Variants in PCDH15 observed in about 807,000 individuals in gnomAD.
PCDH15 encodes the protein protocadherin related 15.
Under a neutral mutation model 178.5 loss-of-function variants are expected in PCDH15, and 129 were observed. The ratio of observed to expected loss-of-function variants is 0.72; its 90% CI spans 0.63 to 0.84. The LOEUF is 0.84. PCDH15 is among the 40% of genes least tolerant of loss of function. PCDH15 has a pLI of 0.00. For missense variants in PCDH15, 2,230 were observed against 2,099.9 expected, an observed-to-expected ratio of 1.06 and a Z score of -1.21; for synonymous variants, 800 against 732.0, an observed-to-expected ratio of 1.09 and a Z score of -1.50.
At chr10:54,238,498 A>G (rs112741496) in intron 8 of PCDH15, among the ~76,000 whole-genome samples, 28 of 152,156 alleles carry the variant, frequency 1.8e-4, no homozygotes, top group African/African-American at 6.3e-4. Flanking sequence ...CCTGAAAATA[A>G]AGAGTTGTTG....
chr10:54,304,188 C>T (rs7919725), intron 8 of PCDH15, among the ~76,000 whole-genome samples: 111,518 of 151,986 alleles, frequency 0.73, 41,874 homozygotes, highest in Middle Eastern at 0.82. Flanking sequence ...TTTACTCACC[C>T]ATATCATTGT....
chr10:54,077,428 T>C (rs1245758245), intron 17 of PCDH15, among the ~76,000 whole-genome samples: 2 of 152,218 alleles, frequency 1.3e-5, no homozygotes, highest in Admixed American at 1.3e-4. Context: ...ATCTGTTTCC[T>C]TGTCTAAGAA....
At chr10:55,463,937 G>T (rs1179290513) in intron 2 of PCDH15, among the ~76,000 whole-genome samples, 1 of 32,218 alleles carries the variant, frequency 3.1e-5, no homozygotes, top group Admixed American at 3.8e-4. Context: ...AAGAAAGAAA[G>T]AAAGAAAGAA....
At chr10:54,649,069 T>G (rs1183202961) in intron 2 of PCDH15, among the ~76,000 whole-genome samples, 1 of 152,146 alleles carries the variant, frequency 6.6e-6, no homozygotes, top group East Asian at 1.9e-4. Flanking sequence ...CAGTATAGGA[T>G]CTTACAAGAG....
chr10:54,151,703 GGATA>G (rs2044554712), intron 14 of PCDH15, among the ~76,000 whole-genome samples: 1 of 152,024 alleles, frequency 6.6e-6, no homozygotes, highest in Non-Finnish European at 1.5e-5. Context: ...AAATGTTCTT[GGATA>G]GAAAGATTCA....
intron 11 of PCDH15, among the ~76,000 whole-genome samples, chr10:54,188,674 CAT>C (rs148822445): frequency 9.2e-5 from 14 of 151,732 alleles, no homozygotes; most frequent in East Asian, 1.9e-4. Flanking sequence ...GGTAAACAAA[CAT>C]ATGAATATAA....
rs544547424 is a variant in PCDH15 at position 54,749,027 on chromosome 10, T to G, written c.-29+51898A>C. 9.9e-5 allele frequency among the ~76,000 whole-genome samples: 15 copies of G among 152,242 alleles called. No homozygotes were observed. In the South Asian group the frequency reaches 3.1e-3, roughly 32 times the overall value. The stretch of plus-strand genomic sequence containing the variant: ...GTATCCATTATTTTATAAAGGTGAG[T>G]GGGCTCAGTAAATGCCTGAAAAAGT... On this transcript the variant is annotated intron_variant, in intron 1 of 37. Transcript: ENST00000644397.
chr10:54,374,740 TA>T (rs1462981209), intron 4 of PCDH15, among the ~76,000 whole-genome samples: 1 of 152,014 alleles, frequency 6.6e-6, no homozygotes. Context: ...ATGATGACCA[TA>T]AGGGAAAATC....
At chr10:54,626,700 T>A (rs992822556) in intron 2 of PCDH15, among the ~76,000 whole-genome samples, 21 of 152,098 alleles carry the variant, frequency 1.4e-4, no homozygotes, top group Admixed American at 1.2e-3. Context: ...AGAAGGGAAA[T>A]GTGGGGTTGA....
intron 10 of PCDH15, among the ~76,000 whole-genome samples, chr10:54,208,182 G>C (rs1225511136): frequency 6.6e-6 from 1 of 152,030 alleles, no homozygotes; most frequent in African/African-American, 2.4e-5. Flanking sequence ...TGGAAAGATT[G>C]CTATTTCATT....
intron 15 of PCDH15, among the ~76,000 whole-genome samples, chr10:54,116,906 C>T (rs1168122590): frequency 6.6e-6 from 1 of 151,866 alleles, no homozygotes; most frequent in Non-Finnish European, 1.5e-5. Context: ...ATAACAGAAA[C>T]TTTAAGAAGC....
At chr10:54,931,745 T>C (rs185709049) in intron 2 of PCDH15, among the ~76,000 whole-genome samples, 26 of 152,328 alleles carry the variant, frequency 1.7e-4, no homozygotes, top group Admixed American at 1.6e-3. Context: ...TAATACATAC[T>C]GGGATTTGCA....
chr10:54,336,612 C>G (rs1390687738), intron 6 of PCDH15, among the ~76,000 whole-genome samples: 1 of 152,186 alleles, frequency 6.6e-6, no homozygotes, highest in Non-Finnish European at 1.5e-5. Context: ...AAGTCAAGAA[C>G]TGAGGTTTGG....
rs183325411 is a variant in PCDH15 at position 54,643,679 on chromosome 10, A to G, written c.91+20493T>C. On this transcript the variant is annotated intron_variant, in intron 2 of 37. Transcript: ENST00000644397. ...TATGTATTTGGTATAGATTCAGAAA[A>G]ATATTTGATATAGATTCAGAAAAAT... 2.7e-3 allele frequency among the ~76,000 whole-genome samples: 413 copies of G among 150,256 alleles called. 3 individuals are homozygous for G. Among genetic ancestry groups the G allele is most frequent in the African/African-American group, 9.3e-3 (372 of 39,824 alleles).
chr10:55,216,655 A>G (rs551526573), intron 1 of PCDH15, among the ~76,000 whole-genome samples: 2 of 152,054 alleles, frequency 1.3e-5, no homozygotes, highest in South Asian at 4.1e-4. Context: ...AATTACCTTG[A>G]TTTAATAATT....
At position 54,023,033 on chromosome 10, in the gene PCDH15, T is replaced by C. The variant is rs61731362; in HGVS notation, c.2385A>G (p.Ala795=). The part of the protein sequence containing the change: ...YELVVVATDG[A]VHPRHSTLTL... ...TTAGAGTTGAATGACGAGGGTGTAC[T>C]GCTCCATCTGTTGCCACAACAACAA... Residue 795 remains alanine (A), a synonymous_variant, in exon 19 of 38, where the codon GCA becomes GCG. Transcript: ENST00000644397. The C allele has an allele frequency of 6.2e-7, 1 of 1,613,878 alleles. No homozygotes were observed. Among genetic ancestry groups the C allele is most frequent in the Admixed American group, 1.7e-5 (1 of 59,968 alleles).
intron 1 of PCDH15, among the ~76,000 whole-genome samples, chr10:54,681,991 C>T (rs2384520): frequency 0.2 from 30,863 of 151,930 alleles, 3,522 homozygotes; most frequent in Middle Eastern, 0.28. Context: ...AAAGATGTAT[C>T]GGAGCTTTGA....
At chr10:55,004,093 G>C (rs537683198) in intron 2 of PCDH15, among the ~76,000 whole-genome samples, 4 of 152,190 alleles carry the variant, frequency 2.6e-5, no homozygotes, top group Non-Finnish European at 5.9e-5. Context: ...TAATGGGACT[G>C]AAGTTTATTT....
intron 2 of PCDH15, among the ~76,000 whole-genome samples, chr10:54,909,194 C>G (rs1954777114): frequency 6.6e-6 from 1 of 152,182 alleles, no homozygotes; most frequent in African/African-American, 2.4e-5. Flanking sequence ...TCACTCCAGT[C>G]TGCGGGACAC....
Sources: allele counts gnomAD v4.1 joint callset (sites outside exome capture counted in the v4.1 genomes callset), GRCh38; gene constraint gnomAD v4.1.1; transcripts MANE v1.5; gene names NCBI Gene and HGNC (gene_info 2026-07-23, HGNC 2026-07-21).